TEAD1: variants seen among roughly 807,000 people sequenced by gnomAD.
TEAD1 encodes transcriptional enhancer factor TEF-1.
A neutral mutation model predicts 54.9 loss-of-function variants in TEAD1; 9 were observed. The ratio of observed to expected loss-of-function variants is 0.16; its 90% CI spans 0.10 to 0.29. TEAD1 has a LOEUF of 0.29. Among genes scored for constraint, TEAD1 ranks in the 10% least tolerant of loss-of-function variants. The probability of loss-of-function intolerance (pLI) is 1.00; values close to 1 mark genes in which losing one functional copy is unlikely to be tolerated. For synonymous variants in TEAD1, 200 were observed against 187.8 expected, an observed-to-expected ratio of 1.07 and a Z score of -0.53; for missense variants, 387 against 535.9, an observed-to-expected ratio of 0.72 and a Z score of 2.74.
chr11:12,896,707 A>G (rs1297591558), intron 9 of TEAD1, among the ~76,000 whole-genome samples: 1 of 152,174 alleles, frequency 6.6e-6, no homozygotes, highest in Non-Finnish European at 1.5e-5. Flanking sequence ...TATTATCCCC[A>G]TCTTCTCTGT....
intron 3 of TEAD1, among the ~76,000 whole-genome samples, chr11:12,807,222 G>T (rs1463585289): frequency 6.6e-6 from 1 of 152,168 alleles, no homozygotes; most frequent in African/African-American, 2.4e-5. Context: ...ATCCCATGAG[G>T]TTTTCAAGGA....
intron 3 of TEAD1, among the ~76,000 whole-genome samples, chr11:12,824,608 T>A (rs1371139480): frequency 2.6e-5 from 4 of 152,142 alleles, no homozygotes; most frequent in Admixed American, 2.6e-4. Context: ...TGTGTGAAAA[T>A]TGCTGAGTGA....
intron 10 of TEAD1, among the ~76,000 whole-genome samples, chr11:12,923,342 G>A (rs933040456): frequency 2.0e-5 from 3 of 152,096 alleles, no homozygotes; most frequent in Admixed American, 2.0e-4. Context: ...TTCTTTCTTG[G>A]GATCTGAGTT....
At chr11:12,801,833 G>A (rs1946065667) in intron 3 of TEAD1, among the ~76,000 whole-genome samples, 1 of 152,202 alleles carries the variant, frequency 6.6e-6, no homozygotes, top group Non-Finnish European at 1.5e-5. Flanking sequence ...TTGCCCACAG[G>A]CTGTATTGAT....
rs76987422 is a variant in TEAD1 at position 12,817,998 on chromosome 11, G to A, written c.203-44252G>A. Among the ~76,000 whole-genome samples, 1,109 of 152,320 alleles carry A rather than the reference G, an allele frequency of 7.3e-3. 13 individuals carry two copies. Among genetic ancestry groups the A allele is most frequent in the African/African-American group, 0.025 (1,059 of 41,580 alleles). On this transcript the variant is annotated intron_variant, in intron 3 of 12. Transcript: ENST00000527636. ...TAATGACATGGGGTATATCTGGATG[G>A]CAAAGAAAACACTGCAGATTCTGTC...
At chr11:12,770,906 C>G (rs1197259347) in intron 3 of TEAD1, among the ~76,000 whole-genome samples, 1 of 152,200 alleles carries the variant, frequency 6.6e-6, no homozygotes, top group Non-Finnish European at 1.5e-5. Context: ...GGAAAAAGAT[C>G]ATGTAGCGGT....
chr11:12,901,370 C>T (rs1226861708), intron 9 of TEAD1, among the ~76,000 whole-genome samples: 1 of 152,178 alleles, frequency 6.6e-6, no homozygotes, highest in Non-Finnish European at 1.5e-5. Context: ...TAACTTTGCA[C>T]TGACAGTGAC....
At chr11:12,860,669 G>A (rs1329859534) in intron 3 of TEAD1, among the ~76,000 whole-genome samples, 1 of 152,206 alleles carries the variant, frequency 6.6e-6, no homozygotes. Flanking sequence ...CAGTGTGCTA[G>A]GTGCTAGGGG....
intron 5 of TEAD1, among the ~76,000 whole-genome samples, chr11:12,873,660 T>A (rs1396672608): frequency 2.0e-5 from 3 of 152,206 alleles, no homozygotes; most frequent in Non-Finnish European, 4.4e-5. Flanking sequence ...AGTCTCCTTT[T>A]GTATTTACTC....
intron 10 of TEAD1, among the ~76,000 whole-genome samples, chr11:12,907,676 T>C (rs1030268661): frequency 1.3e-5 from 2 of 152,228 alleles, no homozygotes; most frequent in African/African-American, 4.8e-5. Flanking sequence ...CCAGGCACTG[T>C]GCCAGGGCTA....
chr11:12,713,412 A>T (rs1174981761), intron 2 of TEAD1, among the ~76,000 whole-genome samples: 1 of 152,250 alleles, frequency 6.6e-6, no homozygotes, highest in African/African-American at 2.4e-5. Context: ...GTTTATAATT[A>T]TGCCTGAGTG....
chr11:12,781,967 AAAAAGAAAGAAAAAAAGAAAAAG>A (rs1187641150), intron 3 of TEAD1, among the ~76,000 whole-genome samples: 4,000 of 142,816 alleles, frequency 0.028, 367 homozygotes, highest in African/African-American at 0.11. Flanking sequence ...AAAAAAAAAA[AAAAAGAAAGAAAAAAAGAAAAAG>A]AAAAAAAAAA....
chr11:12,724,095 A>C (rs954482351), intron 2 of TEAD1, among the ~76,000 whole-genome samples: 3 of 152,294 alleles, frequency 2.0e-5, no homozygotes, highest in Admixed American at 1.3e-4. Context: ...CTTATTCCCC[A>C]GGCTCCTTCA....
Position 12,940,313 on chromosome 11 carries a change from A to G in TEAD1, c.*3091A>G, listed in dbSNP as rs1174796567. On this transcript the variant is annotated 3_prime_UTR_variant, in exon 13 of 13. Transcript: ENST00000527636. ...TCCTTTGCACTGTAGGAGATTTACT[A>G]ATATCCCTGGCCTCTACCCAGTAGT... 7.2e-5 allele frequency: 11 copies of G among 152,094 alleles called. No homozygotes were observed. Among genetic ancestry groups the G allele is most frequent in the Admixed American group, 7.2e-4 (11 of 15,266 alleles). 9.4% of individuals were successfully genotyped at this position (152,094 alleles called of 1,614,324 possible).
intron 9 of TEAD1, among the ~76,000 whole-genome samples, chr11:12,893,255 A>C (rs528841275): frequency 6.6e-6 from 1 of 152,214 alleles, no homozygotes; most frequent in South Asian, 2.1e-4. Flanking sequence ...ATGTTTTTCC[A>C]AGCCTGGTCT....
At chr11:12,890,391 A>T (rs1373874324) in intron 9 of TEAD1, among the ~76,000 whole-genome samples, 1 of 152,160 alleles carries the variant, frequency 6.6e-6, no homozygotes, top group Admixed American at 6.5e-5. Flanking sequence ...GTCTTCCACA[A>T]AATCAGTCTC....
intron 4 of TEAD1, chr11:12,864,617 T>TTTTTGGTTTG: frequency 3.1e-6 from 3 of 954,538 alleles, no homozygotes; most frequent in East Asian, 3.3e-5. Flanking sequence ...TTGATTTCCT[T>TTTTTGGTTTG]TTTTGTTTTG....
intron 2 of TEAD1, among the ~76,000 whole-genome samples, chr11:12,692,903 C>T (rs1943491946): frequency 6.6e-6 from 1 of 152,220 alleles, no homozygotes; most frequent in Non-Finnish European, 1.5e-5. Flanking sequence ...TTCCTCCACC[C>T]CCACCCCACA....
chr11:12,886,112 G>A (rs1202198419), intron 9 of TEAD1, among the ~76,000 whole-genome samples: 1 of 152,206 alleles, frequency 6.6e-6, no homozygotes, highest in Admixed American at 6.5e-5. Context: ...GATTGGACAG[G>A]GAGAGAATAA....
Sources: allele counts gnomAD v4.1 joint callset (sites outside exome capture counted in the v4.1 genomes callset), GRCh38; gene constraint gnomAD v4.1.1; transcripts MANE v1.5; gene names NCBI Gene and HGNC (gene_info 2026-07-23, HGNC 2026-07-21).